ARHGAP15: variants seen among roughly 807,000 people sequenced by gnomAD.
ARHGAP15 encodes Rho GTPase activating protein 15, also known as rho GTPase-activating protein 15.
ARHGAP15 carries 51 observed loss-of-function variants against 63.7 expected under a neutral mutation model. That is an observed-to-expected ratio of 0.80 (90% CI 0.64 to 1.01). The LOEUF is 1.01. ARHGAP15 is among the 50% of genes least tolerant of loss of function. The pLI is 0.00. For missense variants in ARHGAP15, 560 were observed against 564.6 expected (o/e 0.99, Z 0.08); for synonymous variants, 191 against 193.8 (o/e 0.99, Z 0.12).
intron 8 of ARHGAP15, among the ~76,000 whole-genome samples, chr2:143,456,442 A>G (rs558614367): frequency 6.6e-5 from 10 of 152,242 alleles, no homozygotes; most frequent in Non-Finnish European, 1.5e-4. Flanking sequence ...ATGTGAAGTA[A>G]AGGTGTAGAG....
At chr2:143,487,994 G>A (rs1692402987) in intron 9 of ARHGAP15, among the ~76,000 whole-genome samples, 1 of 152,202 alleles carries the variant, frequency 6.6e-6, no homozygotes. Context: ...TGGATATTGA[G>A]AGCTGGCAGT....
chr2:143,563,967 C>G (rs1305232348), intron 11 of ARHGAP15: 1 of 152,276 alleles, frequency 6.6e-6, no homozygotes, highest in Non-Finnish European at 1.5e-5. Flanking sequence ...CACAGCTTAG[C>G]TGAATCCTCT....
chr2:143,333,205 G>A (rs1684625218), intron 6 of ARHGAP15, among the ~76,000 whole-genome samples: 1 of 152,164 alleles, frequency 6.6e-6, no homozygotes, highest in South Asian at 2.1e-4. Flanking sequence ...TGCTCTTCAT[G>A]AGAAATTTTC....
chr2:143,734,701 C>T (rs534353947), intron 13 of ARHGAP15, among the ~76,000 whole-genome samples: 6 of 152,252 alleles, frequency 3.9e-5, no homozygotes, highest in African/African-American at 1.4e-4. Context: ...TTTACAAAGA[C>T]ATTTTGGGAT....
chr2:143,545,549 G>GCGTTCT (rs1196626166), intron 10 of ARHGAP15, among the ~76,000 whole-genome samples: 2 of 152,022 alleles, frequency 1.3e-5, no homozygotes, highest in African/African-American at 4.8e-5. Flanking sequence ...AAGTTGGCAA[G>GCGTTCT]CGTTCTCGGG....
At chr2:143,299,871 A>G (rs934518519) in intron 6 of ARHGAP15, among the ~76,000 whole-genome samples, 3 of 151,840 alleles carry the variant, frequency 2.0e-5, no homozygotes, top group African/African-American at 7.2e-5. Flanking sequence ...TTTGGAAACA[A>G]CCATGTTGGA....
chr2:143,768,149 A>G lies in ARHGAP15; in HGVS notation c.1405A>G (p.Ile469Val). 6.2e-7 allele frequency: 1 copy of G among 1,613,528 alleles called. No homozygotes were observed. The highest frequency in any genetic ancestry group is 8.5e-7 in the Non-Finnish European group (1 of 1,179,608). ...AELMLSEYSK[I>V]FGSEED ...GCTCATGCTGAGTGAGTACAGTAAG[A>G]TCTTCGGCTCAGAGGAAGACTGACA... The change falls in exon 14 of 14, where the codon ATC becomes GTC. Residue 469 changes from isoleucine (I) to valine (V), a missense_variant. Ile to Val is a conservative substitution (Grantham distance 29, BLOSUM62 3). Transcript: ENST00000295095.
intron 12 of ARHGAP15, among the ~76,000 whole-genome samples, chr2:143,690,517 A>G (rs906497430): frequency 3.3e-5 from 5 of 152,240 alleles, no homozygotes; most frequent in African/African-American, 9.6e-5. Context: ...GGGAATGTTT[A>G]TTTTTAGTCC....
intron 9 of ARHGAP15, among the ~76,000 whole-genome samples, chr2:143,489,914 G>A (rs1178358159): frequency 1.3e-5 from 2 of 152,182 alleles, no homozygotes; most frequent in Non-Finnish European, 2.9e-5. Context: ...AGCTGTGCTT[G>A]GCAGTTTGGG....
intron 1 of ARHGAP15, among the ~76,000 whole-genome samples, chr2:143,133,120 A>C (rs1688977794): frequency 6.6e-6 from 1 of 152,214 alleles, no homozygotes; most frequent in African/African-American, 2.4e-5. Context: ...GTGTTGTATC[A>C]TCTGATCACA....
intron 2 of ARHGAP15, among the ~76,000 whole-genome samples, chr2:143,183,948 G>C (rs565537997): frequency 6.6e-6 from 1 of 152,230 alleles, no homozygotes; most frequent in South Asian, 2.1e-4. Flanking sequence ...TTGCTCTTGA[G>C]AGCTCGTTCT....
chr2:143,761,832 G>C (rs1383475573), intron 13 of ARHGAP15, among the ~76,000 whole-genome samples: 12 of 151,978 alleles, frequency 7.9e-5, no homozygotes, highest in Admixed American at 7.9e-4. Flanking sequence ...CCTGACAAAA[G>C]GTAGCACTCA....
At chr2:143,667,103 A>T (rs1682244451) in intron 12 of ARHGAP15, among the ~76,000 whole-genome samples, 1 of 151,296 alleles carries the variant, frequency 6.6e-6, no homozygotes, top group African/African-American at 2.4e-5. Context: ...TCATGCTGCT[A>T]TAAAGACACA....
At chr2:143,166,805 C>T (rs752270176) in intron 2 of ARHGAP15, among the ~76,000 whole-genome samples, 1 of 152,036 alleles carries the variant, frequency 6.6e-6, no homozygotes, top group Non-Finnish European at 1.5e-5. Flanking sequence ...AACTCCCTTG[C>T]GCACTTTGAC....
At chr2:143,608,078 G>A (rs554749191) in intron 11 of ARHGAP15, 1 of 152,222 alleles carries the variant, frequency 6.6e-6, no homozygotes, top group Admixed American at 6.5e-5. Flanking sequence ...CTTCTTAGCA[G>A]CTGCAATATG....
intron 12 of ARHGAP15, among the ~76,000 whole-genome samples, chr2:143,691,953 G>T (rs1683619743): frequency 6.6e-6 from 1 of 152,214 alleles, no homozygotes; most frequent in South Asian, 2.1e-4. Context: ...AATGCCAGAT[G>T]ATGGAATTTG....
At chr2:143,396,615 GT>G (rs34811392) in intron 6 of ARHGAP15, among the ~76,000 whole-genome samples, 87,395 of 147,272 alleles carry the variant, frequency 0.59, 25,849 homozygotes, top group Admixed American at 0.7. Context: ...AGGGATTTAA[GT>G]TTTTTTTTTT....
rs895934525 is a variant in ARHGAP15, at chr2:143,395,952, G to A, written c.475-39649G>A. 5.9e-5 allele frequency among the ~76,000 whole-genome samples: 9 copies of A among 152,088 alleles called. No individual in the cohort carries two copies. The South Asian group carries it at 1.9e-3, about 32-fold the overall frequency. On this transcript the variant is annotated intron_variant, in intron 6 of 13. Coordinates refer to ENST00000295095, the MANE Select transcript of ARHGAP15 (RefSeq NM_018460.4). ...CCTGGTGTGCAGGGTACAGAAGTCA[G>A]GTGTACTGGCAGATGAAGATGATGC...
At chr2:143,640,277 T>C (rs1275848583) in intron 12 of ARHGAP15, among the ~76,000 whole-genome samples, 1 of 152,042 alleles carries the variant, frequency 6.6e-6, no homozygotes, top group Non-Finnish European at 1.5e-5. Flanking sequence ...GATCTCAAAC[T>C]ACTGAAATGG....
Sources: allele counts gnomAD v4.1 joint callset (sites outside exome capture counted in the v4.1 genomes callset), GRCh38; gene constraint gnomAD v4.1.1; transcripts MANE v1.5; gene names NCBI Gene and HGNC (gene_info 2026-07-23, HGNC 2026-07-21).